PRKN: variants seen among roughly 807,000 people sequenced by gnomAD.
PRKN encodes the protein E3 ubiquitin-protein ligase parkin.
PRKN carries 56 observed loss-of-function variants against 59.5 expected under a neutral mutation model. That is an observed-to-expected ratio of 0.94 (90% CI 0.76 to 1.18). The LOEUF (loss-of-function observed/expected upper bound fraction) is 1.18, where lower values mean the gene tolerates loss of function less well. Among genes scored for constraint, PRKN ranks in the 50% most tolerant of loss-of-function variants. PRKN has a pLI of 0.00. For missense variants in PRKN, 657 were observed against 596.4 expected (o/e 1.10, Z -1.06); for synonymous variants, 250 against 222.1 (o/e 1.13, Z -1.12).
chr6:162,510,531 A>G (rs1777556819), intron 1 of PRKN, among the ~76,000 whole-genome samples: 1 of 152,180 alleles, frequency 6.6e-6, no homozygotes, highest in African/African-American at 2.4e-5. Context: ...CAGGGTGAAG[A>G]CATCCAGCTC....
chr6:161,745,771 C>T (rs766212333), intron 7 of PRKN, among the ~76,000 whole-genome samples: 1 of 152,196 alleles, frequency 6.6e-6, no homozygotes, highest in Non-Finnish European at 1.5e-5. Context: ...TGTCTGATGT[C>T]TCTAACAGCC....
At chr6:162,445,374 C>T (rs1001536369) in intron 1 of PRKN, among the ~76,000 whole-genome samples, 12 of 152,212 alleles carry the variant, frequency 7.9e-5, no homozygotes, top group Non-Finnish European at 1.6e-4. Context: ...CTAAAATAGG[C>T]TTCCTGAAAC....
intron 9 of PRKN, among the ~76,000 whole-genome samples, chr6:161,534,798 CTGATT>C (rs1478973139): frequency 2.0e-5 from 3 of 152,198 alleles, no homozygotes; most frequent in East Asian, 3.8e-4. Context: ...ACAAGTATTA[CTGATT>C]TATTTTAAAT....
chr6:162,668,649 A>T (rs1431199513), intron 1 of PRKN, among the ~76,000 whole-genome samples: 1 of 152,202 alleles, frequency 6.6e-6, no homozygotes, highest in East Asian at 1.9e-4. Flanking sequence ...CAGCCACTCA[A>T]GAAGTTCCTA....
At chr6:162,404,196 C>T (rs989899821) in intron 2 of PRKN, among the ~76,000 whole-genome samples, 4 of 151,624 alleles carry the variant, frequency 2.6e-5, no homozygotes, top group Non-Finnish European at 4.4e-5. Context: ...CTGGTGAAAC[C>T]CCCATCTCTA....
intron 4 of PRKN, among the ~76,000 whole-genome samples, chr6:162,112,365 C>CT (rs34227063): frequency 1.5e-4 from 23 of 152,034 alleles, no homozygotes; most frequent in African/African-American, 4.4e-4. Context: ...ATTACTAGGA[C>CT]TTTTTTTACA....
chr6:161,934,855 AG>A (rs1434519958), intron 6 of PRKN, among the ~76,000 whole-genome samples: 7 of 152,162 alleles, frequency 4.6e-5, no homozygotes. Flanking sequence ...TAGAAGTTTC[AG>A]GATGTTTTTT....
intron 2 of PRKN, among the ~76,000 whole-genome samples, chr6:162,398,224 A>T (rs1787573622): frequency 6.6e-6 from 1 of 152,120 alleles, no homozygotes; most frequent in African/African-American, 2.4e-5. Context: ...GGCTTCTAGT[A>T]TCATTTCCTA....
intron 6 of PRKN, among the ~76,000 whole-genome samples, chr6:161,926,962 T>A (rs1256125233): frequency 1.3e-5 from 2 of 152,154 alleles, no homozygotes; most frequent in Non-Finnish European, 2.9e-5. Context: ...AGACAATAAG[T>A]TACATTTTGA....
chr6:161,911,549 G>A (rs1291731932), intron 6 of PRKN, among the ~76,000 whole-genome samples: 1 of 151,980 alleles, frequency 6.6e-6, no homozygotes, highest in Non-Finnish European at 1.5e-5. Context: ...CCCCAACCCT[G>A]GATAATGTCT....
At chr6:162,051,581 A>T (rs1777646021) in intron 5 of PRKN, among the ~76,000 whole-genome samples, 1 of 152,148 alleles carries the variant, frequency 6.6e-6, no homozygotes. Context: ...GTCATGATGC[A>T]ACCCCATGTC....
chr6:162,574,791 A>G (rs1780495024), intron 1 of PRKN, among the ~76,000 whole-genome samples: 1 of 131,854 alleles, frequency 7.6e-6, no homozygotes, highest in African/African-American at 2.7e-5. Context: ...CTGATTTGAT[A>G]GACAAAAAGA....
chr6:162,374,597 ACTT>A (rs1470591056), intron 2 of PRKN, among the ~76,000 whole-genome samples: 5 of 151,056 alleles, frequency 3.3e-5, no homozygotes, highest in African/African-American at 1.2e-4. Flanking sequence ...GGTGACCCAA[ACTT>A]TACTGTTGGC....
At chr6:162,687,378 G>T (rs539378349) in intron 1 of PRKN, among the ~76,000 whole-genome samples, 1 of 151,976 alleles carries the variant, frequency 6.6e-6, no homozygotes, top group African/African-American at 2.4e-5. Flanking sequence ...TGGAGACGGG[G>T]TTTCACCATG....
At chr6:162,189,495 A>G (rs1277122965) in intron 4 of PRKN, among the ~76,000 whole-genome samples, 1 of 150,738 alleles carries the variant, frequency 6.6e-6, no homozygotes, top group Non-Finnish European at 1.5e-5. Flanking sequence ...TTGGCCTACC[A>G]TTAATTTACT....
At chr6:162,367,147 T>A (rs1185098951) in intron 2 of PRKN, among the ~76,000 whole-genome samples, 1 of 152,108 alleles carries the variant, frequency 6.6e-6, no homozygotes, top group Non-Finnish European at 1.5e-5. Context: ...CTGATGGTTT[T>A]ATCAGGGACT....
chr6:162,676,952 T>C (rs1014292990), intron 1 of PRKN, among the ~76,000 whole-genome samples: 19 of 151,316 alleles, frequency 1.3e-4, no homozygotes, highest in African/African-American at 3.9e-4. Context: ...TCCCAGCTAC[T>C]TGGGAGGCTG....
rs74592724 is a variant in PRKN, at chr6:162,558,649, T to A, written c.8-115176A>T. On this transcript the variant is annotated intron_variant, in intron 1 of 11. Transcript: ENST00000366898. ...CAGCAATTTTCTACTTTTTTTTTTTTAATTTCTTAGATGGGGTCTCATTCT... is the reference window on the plus strand; with the variant it reads ...CAGCAATTTTCTACTTTTTTTTTTTAAATTTCTTAGATGGGGTCTCATTCT... Among the ~76,000 whole-genome samples the A allele has an allele frequency of 9.3e-5, 14 of 150,850 alleles. 1 individual carries two copies. In the South Asian group the frequency reaches 1.7e-3, roughly 18 times the overall value.
chr6:162,087,751 G>A (rs1190310743), intron 4 of PRKN, among the ~76,000 whole-genome samples: 2 of 151,750 alleles, frequency 1.3e-5, no homozygotes, highest in Admixed American at 6.6e-5. Context: ...ACGCCACCAC[G>A]CCCAGCTAAT....
Sources: allele counts gnomAD v4.1 joint callset (sites outside exome capture counted in the v4.1 genomes callset), GRCh38; gene constraint gnomAD v4.1.1; transcripts MANE v1.5; gene names NCBI Gene and HGNC (gene_info 2026-07-23, HGNC 2026-07-21).